The following INTS11 variants were observed in gnomAD, a reference collection of about 807,000 sequenced individuals.
The protein encoded by INTS11 is integrator complex subunit 11, also known as CPSF3-like protein.
Under a neutral mutation model 78.6 loss-of-function variants are expected in INTS11, and 77 were observed. The ratio of observed to expected loss-of-function variants is 0.98; its 90% CI spans 0.81 to 1.18. The LOEUF (loss-of-function observed/expected upper bound fraction) is 1.18. INTS11 is among the 50% of genes most tolerant of loss of function. The pLI, the probability that INTS11 is intolerant of heterozygous loss-of-function variation, is 0.00. For missense variants in INTS11, 875 were observed against 825.9 expected, an observed-to-expected ratio of 1.06 and a Z score of -0.73; for synonymous variants, 441 against 326.9, an observed-to-expected ratio of 1.35 and a Z score of -3.77.
At chr1:1,320,596 C>A (rs755275261) in intron 2 of INTS11, 67 bp from the exon 3 acceptor site, 1 of 1,537,834 alleles carries the variant, frequency 6.5e-7, no homozygotes. Flanking sequence ...CCACCCATGC[C>A]CCAGGGAGGG....
chr1:1,321,193 A>C lies in INTS11; in HGVS notation c.29-100T>G, dbSNP rs1220027535. The C allele has an allele frequency of 1.5e-5, 13 of 894,344 alleles. No homozygotes were observed. The South Asian group carries it at 2.0e-4, about 14-fold the overall frequency. The allele number at this position is 894,344 out of a possible 1,614,324, so 55.4% of individuals were successfully genotyped here. ...CCCAGTGCACTGAGGAAACCGGACC[A>C]AGTCTGCTGTGTGGACAGACACATG... is the stretch of plus-strand genomic sequence containing the variant. On this transcript the variant is annotated intron_variant, in intron 1 of 16. Transcript: ENST00000435064.
rs776865790 is a variant in INTS11 at position 1,311,945 on chromosome 1, T to C, written c.1738-21A>G. The C allele has an allele frequency of 3.8e-6, 6 of 1,585,258 alleles. 1 individual carries two copies. Among genetic ancestry groups the C allele is most frequent in the Admixed American group, 3.6e-5 (2 of 55,122 alleles). On this transcript the variant is annotated intron_variant, in intron 16 of 16. Transcript: ENST00000435064. ...TCGTCCTAGGGCAGAGGCAAAAGCA[T>C]TGTGGGTGGTGCAGGACAGGGAGGA...
Position 1,312,210 on chromosome 1 carries a change from G to T in INTS11, c.1607+16C>A. 2 of 912,988 alleles carry T rather than the reference G, an allele frequency of 2.2e-6. No individual in the cohort carries two copies. The highest frequency in any genetic ancestry group is 3.3e-6 in the Non-Finnish European group (2 of 609,038). The allele number at this position is 912,988 out of a possible 1,614,324, so 56.6% of individuals were successfully genotyped here. Reference sequence around the variant, plus strand: ...GGGCCCAAGGGAGTGGGGGGGGGGCGGGGCCGGGCGCCCACCTCTTGAGGT... The same window carrying T: ...GGGCCCAAGGGAGTGGGGGGGGGGCTGGGCCGGGCGCCCACCTCTTGAGGT... On this transcript the variant is annotated intron_variant, in intron 15 of 16. Transcript: ENST00000435064.
At chr1:1,318,791 G>A (rs76855900) in intron 4 of INTS11, 3 of 551,652 alleles carry the variant, frequency 5.4e-6, no homozygotes, top group East Asian at 6.0e-5. Flanking sequence ...CCAGAGATTC[G>A]AGTGAGACAC....
At chr1:1,324,501 C>T in intron 1 of INTS11, 80 bp downstream of exon 1, 3 of 1,425,186 alleles carry the variant, frequency 2.1e-6, no homozygotes, top group Non-Finnish European at 2.9e-6. Context: ...CCACGAGAAA[C>T]GGGAGGGAGC....
Position 1,313,018 on chromosome 1 carries a change from G to A in INTS11, c.1131+17C>T. The A allele has an allele frequency of 6.2e-7, 1 of 1,611,418 alleles. No individual in the cohort carries two copies. Among genetic ancestry groups the A allele is most frequent in the South Asian group, 1.1e-5 (1 of 91,060 alleles). ...TGCCCCTCGGCCCTGCCAGCCCAGT[G>A]CGGGGTCGAGACTCACCACCTGCCG... On this transcript the variant is annotated intron_variant, in intron 11 of 16. Transcript: ENST00000435064.
chr1:1,320,623 G>A (rs1308053014), intron 2 of INTS11, 94 bp from the exon 3 acceptor site: 20 of 1,247,930 alleles, frequency 1.6e-5, no homozygotes, highest in Non-Finnish European at 2.4e-5. Context: ...AGGAAGGGGG[G>A]TTCTATGTGC....
chr1:1,313,006 T>C, intron 11 of INTS11, 29 bp downstream of exon 11: 2 of 1,611,778 alleles, frequency 1.2e-6, no homozygotes, highest in Non-Finnish European at 1.7e-6. Flanking sequence ...CCCTCGGCCC[T>C]GCCAGCCCAG....
chr1:1,312,414 C>A (rs372373807), intron 14 of INTS11, 26 bp downstream of exon 14: 33 of 1,564,602 alleles, frequency 2.1e-5, no homozygotes, highest in Admixed American at 1.3e-4. Flanking sequence ...GGCCCTCCCC[C>A]CTCCAGAGAC....
Position 1,312,687 on chromosome 1 carries a change from G to C in INTS11, c.1308C>G (p.Tyr436Ter). 6.3e-7 allele frequency: 1 copy of C among 1,594,762 alleles called. No homozygotes were observed. The highest frequency in any genetic ancestry group is 1.7e-5 in the Admixed American group (1 of 59,086). ...TCACCGTCTCGCCATTGGCCGGCAT[G>C]TAGCAGTTGACCCCTGGACCCCGGG... ...KIEQELRVNC[Y>*]MPANGETVTL... The change falls in exon 13 of 17, where the codon TAC (tyrosine) becomes TAG (stop). Residue 436 changes from tyrosine (Y) to a stop codon, truncating the protein, a stop_gained. Coordinates refer to ENST00000435064, the MANE Select transcript of INTS11 (RefSeq NM_017871.6). LOFTEE classifies it high-confidence loss of function.
In INTS11 at chr1:1,312,451, T is replaced by A; in HGVS notation, c.1453A>T (p.Met485Leu). Residue 485 changes from methionine to leucine, a missense_variant, in exon 14 of 17, where the codon ATG (methionine) becomes TTG (leucine). By Grantham distance (15) the Met-to-Leu change is conservative. Transcript: ENST00000435064. ...KPRLLHGTLI[M>L]KDSNFRLVSS... ...GTCCTGGCACTCACGCTGTCCTTCA[T>A]GATCAGGGTGCCGTGCAGGAGCCGA... The A allele has an allele frequency of 6.4e-7, 1 of 1,571,314 alleles. No homozygotes were observed. The highest frequency in any genetic ancestry group is 1.2e-5 in the South Asian group (1 of 86,116).
intron 4 of INTS11, among the ~76,000 whole-genome samples, chr1:1,318,161 C>T (rs994215554): frequency 2.0e-5 from 3 of 152,152 alleles, no homozygotes; most frequent in African/African-American, 4.8e-5. Flanking sequence ...TGAGCCACCG[C>T]GCCTGGCCAA....
In INTS11 at chr1:1,324,445, C is replaced by A. The variant is rs1036897868; in HGVS notation, c.28+136G>T. 1.5e-5 allele frequency: 13 copies of A among 871,740 alleles called. No individual in the cohort carries two copies. In the East Asian group the frequency reaches 3.5e-4, roughly 23 times the overall value. The allele number at this position is 871,740 out of a possible 1,614,324, so 54.0% of individuals were successfully genotyped here. A position where few individuals can be genotyped will look rare whatever the true frequency, so the allele number is the denominator to read the frequency against. ...GCCGCCTCTCGGCTCCCACCAGGGC[C>A]CGCGCGGGGAGGAGACCGGAGGACG... On this transcript the variant is annotated intron_variant, in intron 1 of 16. Coordinates refer to ENST00000435064, the MANE Select transcript of INTS11 (RefSeq NM_017871.6).
At position 1,320,481 on chromosome 1, in the gene INTS11, C is replaced by CT; in HGVS notation, c.174dup (p.Asp59ArgfsTer9). The CT allele has an allele frequency of 6.2e-7, 1 of 1,613,982 alleles. No individual in the cohort carries two copies. Among genetic ancestry groups the CT allele is most frequent in the Non-Finnish European group, 8.5e-7 (1 of 1,179,970 alleles). On this transcript the variant is annotated frameshift_variant, in exon 3 of 17. Transcript: ENST00000435064. LOFTEE classifies it high-confidence loss of function. Reference sequence around the variant, plus strand: ...CTAATGATCACACAGTCCAGGAAGTCTGTTAGGCGGCCGTTCTGGGTGATG... The same window carrying CT: ...CTAATGATCACACAGTCCAGGAAGTCTTGTTAGGCGGCCGTTCTGGGTGATG...
intron 1 of INTS11, 102 bp from the exon 2 acceptor site, chr1:1,321,195 G>T: frequency 1.2e-6 from 1 of 869,470 alleles, no homozygotes; most frequent in South Asian, 1.5e-5. Flanking sequence ...ACCGGACCAA[G>T]TCTGCTGTGT....
intron 1 of INTS11, chr1:1,323,102 T>TGGGGTGTGCACAGGCCA: frequency 6.6e-7 from 1 of 1,515,722 alleles, no homozygotes; most frequent in Non-Finnish European, 8.9e-7. Flanking sequence ...CAAAATGCCA[T>TGGGGTGTGCACAGGCCA]GGGGTGTGCA....
chr1:1,319,199 G>C, intron 4 of INTS11, 97 bp downstream of exon 4: 1 of 1,107,920 alleles, frequency 9.0e-7, no homozygotes, highest in Non-Finnish European at 1.4e-6. Context: ...CTCACCCTGA[G>C]GCCCCAGCCT....
In INTS11 at chr1:1,314,006, G is replaced by T; in HGVS notation, c.768-85C>A. The T allele has an allele frequency of 7.2e-7, 1 of 1,386,934 alleles. No individual in the cohort carries two copies. The allele number at this position is 1,386,934 out of a possible 1,614,324, so 85.9% of individuals were successfully genotyped here. A position where few individuals can be genotyped will look rare whatever the true frequency, so the allele number is the denominator to read the frequency against. On this transcript the variant is annotated intron_variant, in intron 8 of 16. Coordinates refer to ENST00000435064, the MANE Select transcript of INTS11 (RefSeq NM_017871.6). The surrounding 1 kb of genome is among the most constrained non-coding windows in gnomAD (Gnocchi z 4.2). Reference sequence around the variant, plus strand: ...CTCGGCCGGGTCACCCCCAACACCCGTGTCTGCACAGCCCACGCACGGGCC... The same window carrying T: ...CTCGGCCGGGTCACCCCCAACACCCTTGTCTGCACAGCCCACGCACGGGCC...
At position 1,311,908 on chromosome 1, in the gene INTS11, C is replaced by G. The variant is rs767224126; in HGVS notation, c.1754G>C (p.Ser585Thr). Residue 585 changes from serine to threonine, a missense_variant, in exon 17 of 17, where the codon AGC becomes ACC. Coordinates refer to ENST00000435064, the MANE Select transcript of INTS11 (RefSeq NM_017871.6). ...CTTCTTCAGCAGAGATGTGAGGAAG[C>G]TCCCCAGCTCCTCGTCCTAGGGCAG... ...SWTYQDEELG[S>T]FLTSLLKKGL... 6.4e-7 allele frequency: 1 copy of G among 1,573,122 alleles called. No homozygotes were observed. Among genetic ancestry groups the G allele is most frequent in the South Asian group, 1.2e-5 (1 of 86,672 alleles).
Sources: allele counts gnomAD v4.1 joint callset (sites outside exome capture counted in the v4.1 genomes callset), GRCh38; gene constraint gnomAD v4.1.1; non-coding constraint Gnocchi (gnomAD v3.1); transcripts MANE v1.5; gene names NCBI Gene and HGNC (gene_info 2026-07-23, HGNC 2026-07-21).